The following PPP2R5E variants were observed in gnomAD, a reference collection of about 807,000 sequenced individuals.
The protein encoded by PPP2R5E is serine/threonine-protein phosphatase 2A 56 kDa regulatory subunit epsilon isoform.
In PPP2R5E, 4 loss-of-function variants were observed where a neutral mutation model predicts 65.3. The ratio of observed to expected loss-of-function variants is 0.06; its 90% confidence interval spans 0.03 to 0.14. The LOEUF (loss-of-function observed/expected upper bound fraction) is 0.14, where lower values mean the gene tolerates loss of function less well. Ranked by LOEUF, PPP2R5E falls within the 10% of genes least tolerant of loss-of-function variation. The pLI is 1.00. For synonymous variants in PPP2R5E, 183 were observed against 187.4 expected, an observed-to-expected ratio of 0.98 and a Z score of 0.19; for missense variants, 274 against 556.1, an observed-to-expected ratio of 0.49 and a Z score of 5.10.
chr14:63,523,373 C>A (rs1020299948), intron 2 of PPP2R5E, among the ~76,000 whole-genome samples: 4 of 152,104 alleles, frequency 2.6e-5, no homozygotes, highest in African/African-American at 4.8e-5. Context: ...AAGAAAAATT[C>A]TTCTGCCTTG....
chr14:63,430,349 A>ACATACATACATACATACATACATACATG (rs1887573103), intron 3 of PPP2R5E, among the ~76,000 whole-genome samples: 1 of 103,606 alleles, frequency 9.7e-6, no homozygotes, highest in African/African-American at 3.8e-5. Flanking sequence ...ACCCATGTAT[A>ACATACATACATACATACATACATACATG]CATACATACA....
chr14:63,525,093 C>T (rs1594971924), intron 2 of PPP2R5E, among the ~76,000 whole-genome samples: 1 of 152,312 alleles, frequency 6.6e-6, no homozygotes, highest in South Asian at 2.1e-4. Context: ...GCAAACATCG[C>T]TTGTTCTTGG....
At chr14:63,393,773 A>G (rs775499107) in intron 8 of PPP2R5E, 47 bp downstream of exon 8, 147 of 1,361,042 alleles carry the variant, frequency 1.1e-4, no homozygotes, top group Middle Eastern at 4.0e-4. Flanking sequence ...ACGAGTTTGC[A>G]AACTTTTTAT....
chr14:63,395,392 AG>A, intron 6 of PPP2R5E, 107 bp from the exon 7 acceptor site: 2 of 393,578 alleles, frequency 5.1e-6, no homozygotes, highest in East Asian at 6.4e-5. Flanking sequence ...GGAGAAGAGG[AG>A]GAGGAGGAGG....
chr14:63,472,719 A>G (rs1890192229), intron 2 of PPP2R5E, among the ~76,000 whole-genome samples: 1 of 152,268 alleles, frequency 6.6e-6, no homozygotes, highest in South Asian at 2.1e-4. Flanking sequence ...GAGTGAGCAC[A>G]TTATGGGAGA....
At chr14:63,482,609 T>C (rs1396057995) in intron 2 of PPP2R5E, among the ~76,000 whole-genome samples, 1 of 152,194 alleles carries the variant, frequency 6.6e-6, no homozygotes. Context: ...GGGAGTAATA[T>C]GAGAAGGCAT....
chr14:63,386,817 G>C (rs7147454), intron 11 of PPP2R5E, among the ~76,000 whole-genome samples: 1 of 151,734 alleles, frequency 6.6e-6, no homozygotes, highest in African/African-American at 2.4e-5. Flanking sequence ...CCAGCTACTC[G>C]GGAGGCTGAG....
intron 2 of PPP2R5E, among the ~76,000 whole-genome samples, chr14:63,467,461 A>G (rs1190179789): frequency 6.6e-6 from 1 of 152,126 alleles, no homozygotes; most frequent in Non-Finnish European, 1.5e-5. Flanking sequence ...GGGTAGTACA[A>G]ACATTTTCTC....
chr14:63,503,579 A>G (rs192365554), intron 2 of PPP2R5E, among the ~76,000 whole-genome samples: 1 of 152,324 alleles, frequency 6.6e-6, no homozygotes, highest in African/African-American at 2.4e-5. Context: ...AGTAAGGGCA[A>G]AAAACACCAC....
At chr14:63,481,117 T>C (rs569979901) in intron 2 of PPP2R5E, among the ~76,000 whole-genome samples, 7 of 152,206 alleles carry the variant, frequency 4.6e-5, no homozygotes, top group Non-Finnish European at 1.0e-4. Flanking sequence ...TGAGTGATGC[T>C]GCAATAACAG....
intron 2 of PPP2R5E, among the ~76,000 whole-genome samples, chr14:63,528,714 CA>C (rs59620197): frequency 5.7e-5 from 8 of 141,382 alleles, no homozygotes; most frequent in African/African-American, 1.0e-4. Flanking sequence ...CTGGGTTTTG[CA>C]AAAAAAAAAT....
At chr14:63,452,448 G>A (rs1446130656) in intron 3 of PPP2R5E, 2 of 152,180 alleles carry the variant, frequency 1.3e-5, no homozygotes, top group African/African-American at 4.8e-5. Context: ...ACTAGATGCT[G>A]GTAGTACTCT....
intron 2 of PPP2R5E, among the ~76,000 whole-genome samples, chr14:63,504,511 G>A (rs1165650962): frequency 6.6e-6 from 1 of 152,132 alleles, no homozygotes; most frequent in Non-Finnish European, 1.5e-5. Flanking sequence ...GAACCTAGGA[G>A]GCGGAGGTTG....
chr14:63,485,373 G>A (rs1011246201), intron 2 of PPP2R5E, among the ~76,000 whole-genome samples: 2 of 152,050 alleles, frequency 1.3e-5, no homozygotes, highest in Non-Finnish European at 2.9e-5. Flanking sequence ...AGAGTAACTG[G>A]GACTACAGGC....
At chr14:63,416,905 T>A (rs1284577896) in intron 4 of PPP2R5E, among the ~76,000 whole-genome samples, 2 of 152,020 alleles carry the variant, frequency 1.3e-5, no homozygotes, top group Non-Finnish European at 2.9e-5. Flanking sequence ...TCCAGGGAGA[T>A]CTCCATCAAA....
chr14:63,511,184 C>G (rs1892438262), intron 2 of PPP2R5E, among the ~76,000 whole-genome samples: 1 of 152,184 alleles, frequency 6.6e-6, no homozygotes, highest in African/African-American at 2.4e-5. Context: ...GCCAATGGGA[C>G]AATAGCAAAC....
chr14:63,459,392 G>A (rs1307129842), intron 2 of PPP2R5E, among the ~76,000 whole-genome samples: 1 of 152,158 alleles, frequency 6.6e-6, no homozygotes, highest in Non-Finnish European at 1.5e-5. Context: ...TTTGACACCA[G>A]TAAATCACAG....
intron 2 of PPP2R5E, among the ~76,000 whole-genome samples, chr14:63,461,170 T>A (rs905319967): frequency 6.6e-6 from 1 of 152,254 alleles, no homozygotes; most frequent in Non-Finnish European, 1.5e-5. Flanking sequence ...TAAGGGCTTA[T>A]TTCCAGGGCA....
chr14:63,435,993 T>C (rs1215109129), intron 3 of PPP2R5E, among the ~76,000 whole-genome samples: 2 of 152,224 alleles, frequency 1.3e-5, no homozygotes, highest in East Asian at 1.9e-4. Flanking sequence ...GCAATAGTCA[T>C]AGTGCTTACT....
Sources: gnomAD v4.1 joint callset for allele counts (sites outside exome capture counted in the v4.1 genomes callset) on GRCh38, gnomAD v4.1.1 for gene constraint, MANE v1.5 for transcripts, NCBI Gene and HGNC (gene_info 2026-07-23, HGNC 2026-07-21) for gene names.